GPR174: variants seen among roughly 807,000 people sequenced by gnomAD.
The protein encoded by GPR174 is G protein-coupled receptor 174, also known as probable G protein-coupled receptor 174.
In GPR174, 8 loss-of-function variants were observed where a neutral mutation model predicts 16.5. The ratio of observed to expected loss-of-function variants is 0.48; its 90% CI spans 0.28 to 0.87. The LOEUF (loss-of-function observed/expected upper bound fraction) is 0.87. GPR174 is among the 40% of genes least tolerant of loss of function. The pLI is 0.09. For synonymous variants in GPR174, 111 were observed against 94.8 expected (o/e 1.17, Z -0.99); for missense variants, 214 against 247.5 (o/e 0.86, Z 0.91).
chrX:79,153,636 C>A (rs765628608), intron 1 of GPR174, among the ~76,000 whole-genome samples: 5 of 111,372 alleles, frequency 4.5e-5, no homozygotes, highest in African/African-American at 1.3e-4. Context: ...AACAAAGGGA[C>A]GCTTGTTTCT....
In GPR174 at chrX:79,173,920, A is replaced by G. The variant is rs1178612585; in HGVS notation, c.*1911A>G. The G allele has an allele frequency of 8.9e-6, 1 of 111,971 alleles. No individual in the cohort carries two copies. The highest frequency in any genetic ancestry group is 1.9e-5 in the Non-Finnish European group (1 of 53,153). 9.2% of individuals were successfully genotyped at this position (111,971 alleles called of 1,213,427 possible). ...TTAGTGTTGCAATAGGATTGCAAGT[A>G]ATAATTTTGTGGAATTGTGAAATAA... is the stretch of plus-strand genomic sequence containing the variant. On this transcript the variant is annotated 3_prime_UTR_variant, in exon 3 of 3. Coordinates refer to ENST00000645147, the MANE Select transcript of GPR174 (RefSeq NM_032553.3).
At position 79,156,905 on chromosome X, in the gene GPR174, G is replaced by A. The variant is rs186447131; in HGVS notation, c.-570G>A. 3 of 112,030 alleles carry A rather than the reference G, an allele frequency of 2.7e-5. No individual in the cohort carries two copies. The East Asian group carries it at 8.4e-4, about 31-fold the overall frequency. The allele number at this position is 112,030 out of a possible 1,213,427, so 9.2% of individuals were successfully genotyped here. On this transcript the variant is annotated 5_prime_UTR_variant, in exon 2 of 3. Transcript: ENST00000645147. ...CTGATCAAGAAGTTCCATCAGCACC[G>A]AAGAAAACAGCAGGTAGTCAAATAC...
rs1057260213 is a variant in GPR174 at position 79,173,316 on chromosome X, T to A, written c.*1307T>A. The A allele has an allele frequency of 8.9e-6, 1 of 112,067 alleles. No individual in the cohort carries two copies. Among genetic ancestry groups the A allele is most frequent in the Non-Finnish European group, 1.9e-5 (1 of 53,210 alleles). 9.2% of individuals were successfully genotyped at this position (112,067 alleles called of 1,213,427 possible). ...AATTTGGTCAGCCTTTGGCAACCAA[T>A]GGCCAATGACTTGCCTACTACCTGT... On this transcript the variant is annotated 3_prime_UTR_variant, in exon 3 of 3. Coordinates refer to ENST00000645147, the MANE Select transcript of GPR174 (RefSeq NM_032553.3).
Position 79,171,933 on chromosome X carries a change from A to G in GPR174, c.926A>G (p.His309Arg). The change falls in exon 3 of 3, where the codon CAT becomes CGT. Residue 309 changes from histidine (H) to arginine (R), a missense_variant. Transcript: ENST00000645147. ...AGACGGCTTTCAAGACAAGATTTGC[A>G]TGACAGCATCCAACTCCATGCAAAA... ...FRRRLSRQDLHDSIQLHAKSF... is the reference protein window; with the variant it reads ...FRRRLSRQDLRDSIQLHAKSF... 1 of 1,210,688 alleles carries G rather than the reference A, an allele frequency of 8.3e-7. No homozygotes were observed. Among genetic ancestry groups the G allele is most frequent in the East Asian group, 3.0e-5 (1 of 33,826 alleles).
chrX:79,150,030 A>T (rs1926571465), intron 1 of GPR174, among the ~76,000 whole-genome samples: 1 of 111,369 alleles, frequency 9.0e-6, no homozygotes, highest in Non-Finnish European at 1.9e-5. Context: ...GTGTCTGTTT[A>T]GGTCTTTCCC....
chrX:79,161,842 A>C (rs1602340561), intron 2 of GPR174, among the ~76,000 whole-genome samples: 1 of 111,959 alleles, frequency 8.9e-6, no homozygotes, highest in East Asian at 2.8e-4. Context: ...TATGATAGGG[A>C]AAATAAAAAT....
At position 79,174,441 on chromosome X, in the gene GPR174, G is replaced by A. The variant is rs1374516484; in HGVS notation, c.*2432G>A. ...TTACCCAGGAATATCTGAATTCCAG[G>A]CTTTAGGACTAGGCATTAAACCAAA... On this transcript the variant is annotated 3_prime_UTR_variant, in exon 3 of 3. Coordinates refer to ENST00000645147, the MANE Select transcript of GPR174 (RefSeq NM_032553.3). 1.9e-5 allele frequency: 2 copies of A among 108,009 alleles called. No homozygotes were observed. The highest frequency in any genetic ancestry group is 6.8e-5 in the African/African-American group (2 of 29,567). 8.9% of individuals were successfully genotyped at this position (108,009 alleles called of 1,213,427 possible). A position where few individuals can be genotyped will look rare whatever the true frequency, so the allele number is the denominator to read the frequency against.
At chrX:79,168,681 A>G (rs766607549) in intron 2 of GPR174, among the ~76,000 whole-genome samples, 9 of 110,584 alleles carry the variant, frequency 8.1e-5, no homozygotes, top group Non-Finnish European at 1.5e-4. Context: ...AACCCAGGAG[A>G]TAAGACAGAG....
At chrX:79,166,515 T>G (rs112019237) in intron 2 of GPR174, among the ~76,000 whole-genome samples, 3 of 98,432 alleles carry the variant, frequency 3.0e-5, no homozygotes, top group African/African-American at 1.1e-4. Context: ...CTCGGCTCAT[T>G]GAAATCTCTG....
At chrX:79,164,165 T>C (rs769195715) in intron 2 of GPR174, among the ~76,000 whole-genome samples, 1 of 111,384 alleles carries the variant, frequency 9.0e-6, no homozygotes, top group African/African-American at 3.3e-5. Context: ...ACAATAGATG[T>C]GCCACAAGCC....
chrX:79,150,961 C>G (rs1926589710), intron 1 of GPR174, among the ~76,000 whole-genome samples: 1 of 111,317 alleles, frequency 9.0e-6, no homozygotes, highest in African/African-American at 3.3e-5. Flanking sequence ...GGTCCAAAGT[C>G]TCACCATGAA....
At chrX:79,149,819 C>T (rs1336780655) in intron 1 of GPR174, among the ~76,000 whole-genome samples, 1 of 73,311 alleles carries the variant, frequency 1.4e-5, no homozygotes, top group Non-Finnish European at 2.8e-5. Context: ...AAACCTCCCT[C>T]AGTTTTTTTT....
rs190335346 is a variant in GPR174, at chrX:79,153,484, T to C, written c.-653-3338T>C. On this transcript the variant is annotated intron_variant, in intron 1 of 2. Coordinates refer to ENST00000645147, the MANE Select transcript of GPR174 (RefSeq NM_032553.3). The stretch of plus-strand genomic sequence containing the variant: ...AGTCTTGAATGCCAGCAGAAATGAA[T>C]GAACTCAATGTAAAGAGAATATCTG... 4.5e-5 allele frequency among the ~76,000 whole-genome samples: 5 copies of C among 111,839 alleles called. No individual in the cohort carries two copies. The East Asian group carries it at 1.4e-3, about 31-fold the overall frequency.
At chrX:79,151,567 C>T (rs746463936) in intron 1 of GPR174, among the ~76,000 whole-genome samples, 1 of 111,368 alleles carries the variant, frequency 9.0e-6, no homozygotes, top group South Asian at 3.7e-4. Flanking sequence ...CTATAACTCA[C>T]TATCTTGTCC....
chrX:79,157,430 G>A (rs1234709811), intron 2 of GPR174, among the ~76,000 whole-genome samples: 2 of 111,643 alleles, frequency 1.8e-5, no homozygotes, highest in Non-Finnish European at 3.8e-5. Flanking sequence ...GCTTCAAAAG[G>A]GGATTTGGGA....
chrX:79,164,510 G>T (rs1453231721), intron 2 of GPR174, among the ~76,000 whole-genome samples: 1 of 111,355 alleles, frequency 9.0e-6, no homozygotes, highest in African/African-American at 3.3e-5. Flanking sequence ...TTGCCAAAAT[G>T]CTTGGTTTGT....
At chrX:79,160,715 G>A (rs190706778) in intron 2 of GPR174, among the ~76,000 whole-genome samples, 6 of 111,822 alleles carry the variant, frequency 5.4e-5, no homozygotes, top group Admixed American at 2.8e-4. Context: ...AATAGAGCAA[G>A]AAAATAGGCA....
intron 1 of GPR174, among the ~76,000 whole-genome samples, chrX:79,149,504 T>C (rs1038847554): frequency 9.0e-6 from 1 of 111,527 alleles, no homozygotes; most frequent in Non-Finnish European, 1.9e-5. Flanking sequence ...AGAAATAGAG[T>C]TTTGTATCAA....
intron 1 of GPR174, among the ~76,000 whole-genome samples, chrX:79,147,927 G>A (rs961867609): frequency 5.4e-5 from 6 of 111,915 alleles, no homozygotes; most frequent in Non-Finnish European, 1.1e-4. Flanking sequence ...AAGGTAAAGA[G>A]TGTGCTCCAG....
Sources: gnomAD v4.1 joint callset for allele counts (sites outside exome capture counted in the v4.1 genomes callset) on GRCh38, gnomAD v4.1.1 for gene constraint, MANE v1.5 for transcripts, NCBI Gene and HGNC (gene_info 2026-07-23, HGNC 2026-07-21) for gene names.